DOCK3: variants seen among roughly 807,000 people sequenced by gnomAD.
DOCK3 encodes dedicator of cytokinesis protein 3.
DOCK3 carries 60 observed loss-of-function variants against 265.6 expected under a neutral mutation model. The observed-to-expected ratio is 0.23, with a 90% CI of 0.18 to 0.28. DOCK3 has a LOEUF of 0.28. DOCK3 is among the 10% of genes least tolerant of loss of function. DOCK3 has a pLI of 1.00. For missense variants in DOCK3, 1,981 were observed against 2,594.3 expected (o/e 0.76, Z 5.14); for synonymous variants, 881 against 938.0 (o/e 0.94, Z 1.11).
chr3:51,306,310 G>C (rs1239273805), intron 27 of DOCK3, among the ~76,000 whole-genome samples: 1 of 152,138 alleles, frequency 6.6e-6, no homozygotes, highest in African/African-American at 2.4e-5. Flanking sequence ...ATTGAGGGTT[G>C]TTTGTTGTTT....
At chr3:51,297,512 G>A (rs1193795846) in intron 27 of DOCK3, among the ~76,000 whole-genome samples, 1 of 151,914 alleles carries the variant, frequency 6.6e-6, no homozygotes, top group Non-Finnish European at 1.5e-5. Flanking sequence ...TTTAAAAATG[G>A]GCAAAAGATT....
At chr3:51,362,455 AG>A (rs1425745657) in intron 48 of DOCK3, 71 bp from the exon 49 acceptor site, 1 of 1,599,552 alleles carries the variant, frequency 6.3e-7, no homozygotes, top group African/African-American at 1.3e-5. Context: ...GGCATGAAAA[AG>A]CAAACTCTGT....
rs375007140 is a variant in DOCK3 at position 50,866,309 on chromosome 3, A to T, written c.163-23717A>T. Reference sequence around the variant, plus strand: ...AGACCATCCTGGCCAACATGGTGAAATCCCGTCTCTACTAAAAATACGAAA... The same window carrying T: ...AGACCATCCTGGCCAACATGGTGAATTCCCGTCTCTACTAAAAATACGAAA... On this transcript the variant is annotated intron_variant, in intron 3 of 52. Transcript: ENST00000266037. 1.7e-3 allele frequency among the ~76,000 whole-genome samples: 265 copies of T among 152,062 alleles called. 2 individuals carry two copies. The highest frequency in any genetic ancestry group is 7.6e-3 in the East Asian group (39 of 5,158).
At chr3:50,963,768 G>A (rs1490437968) in intron 5 of DOCK3, among the ~76,000 whole-genome samples, 4 of 152,216 alleles carry the variant, frequency 2.6e-5, no homozygotes, top group African/African-American at 9.6e-5. Context: ...CCTCTGCATT[G>A]CATTGCAGGG....
chr3:50,787,487 A>G, intron 2 of DOCK3: 2 of 479,386 alleles, frequency 4.2e-6, no homozygotes, highest in Non-Finnish European at 7.5e-6. Context: ...GTGAGCCGAG[A>G]TCGCGCCATT....
chr3:51,308,698 A>G (rs569016406), intron 27 of DOCK3, among the ~76,000 whole-genome samples: 3,546 of 152,206 alleles, frequency 0.023, 146 homozygotes, highest in African/African-American at 0.081. Context: ...CAAAACCGCC[A>G]TTGTCATCAT....
At chr3:50,934,955 T>G (rs1014584225) in intron 5 of DOCK3, among the ~76,000 whole-genome samples, 7 of 152,268 alleles carry the variant, frequency 4.6e-5, no homozygotes, top group African/African-American at 1.7e-4. Context: ...ATTCACCTAC[T>G]GGAAAACTCT....
At chr3:51,041,175 TATATATATATATATATATATA>T (rs2080475240) in intron 5 of DOCK3, among the ~76,000 whole-genome samples, 1 of 11,124 alleles carries the variant, frequency 9.0e-5, no homozygotes, top group African/African-American at 2.8e-4. Flanking sequence ...TATATATATA[TATATATATATATATATATATA>T]TATATATATT....
intron 10 of DOCK3, among the ~76,000 whole-genome samples, chr3:51,149,969 TG>T (rs2085498587): frequency 1.3e-5 from 2 of 152,156 alleles, no homozygotes; most frequent in African/African-American, 4.8e-5. Context: ...CCGTCAGTCC[TG>T]GACTTTTTTT....
intron 27 of DOCK3, among the ~76,000 whole-genome samples, chr3:51,285,857 C>T (rs2081376114): frequency 6.6e-6 from 1 of 152,058 alleles, no homozygotes; most frequent in Non-Finnish European, 1.5e-5. Flanking sequence ...ATCGCTTGAA[C>T]CCAGGAGGCA....
chr3:50,881,761 A>G (rs1028050298), intron 3 of DOCK3, among the ~76,000 whole-genome samples: 2 of 152,184 alleles, frequency 1.3e-5, no homozygotes, highest in African/African-American at 2.4e-5. Context: ...ATTGGAAAAA[A>G]CTACTTTAAA....
intron 27 of DOCK3, among the ~76,000 whole-genome samples, chr3:51,308,747 C>A (rs1215055615): frequency 1.3e-5 from 2 of 152,210 alleles, no homozygotes; most frequent in South Asian, 2.1e-4. Context: ...ACCTCCCAGA[C>A]GGGGTGGTGG....
At chr3:50,719,522 G>C in intron 1 of DOCK3, 8 of 1,046,934 alleles carry the variant, frequency 7.6e-6, no homozygotes, top group South Asian at 1.4e-5. Context: ...CTTCTCACTG[G>C]TCTTGCCGTT....
At chr3:50,710,753 G>A (rs910553236) in intron 1 of DOCK3, among the ~76,000 whole-genome samples, 2 of 152,190 alleles carry the variant, frequency 1.3e-5, no homozygotes, top group African/African-American at 4.8e-5. Flanking sequence ...TAAGGAACCA[G>A]CCTAAATGCC....
intron 6 of DOCK3, among the ~76,000 whole-genome samples, chr3:51,070,568 TTACTAATTATA>T (rs1161172399): frequency 2.0e-5 from 3 of 152,222 alleles, no homozygotes; most frequent in Non-Finnish European, 4.4e-5. Flanking sequence ...AAGGTAGTAA[TTACTAATTATA>T]TATTTTTATA....
chr3:50,835,972 A>G (rs887245455), intron 2 of DOCK3, among the ~76,000 whole-genome samples: 4 of 152,170 alleles, frequency 2.6e-5, no homozygotes, highest in African/African-American at 7.2e-5. Context: ...GTATCCCCCC[A>G]TAACTGCCAA....
chr3:50,760,083 C>T (rs920745968), intron 1 of DOCK3, among the ~76,000 whole-genome samples: 2 of 151,358 alleles, frequency 1.3e-5, no homozygotes, highest in Non-Finnish European at 2.9e-5. Flanking sequence ...AACCCAGTGT[C>T]ATGAAGCTTT....
At chr3:51,152,317 T>C (rs1369286327) in intron 10 of DOCK3, among the ~76,000 whole-genome samples, 2 of 152,220 alleles carry the variant, frequency 1.3e-5, no homozygotes, top group African/African-American at 4.8e-5. Context: ...GTCATGTAGC[T>C]CTCGAGCCAT....
At position 51,236,385 on chromosome 3, in the gene DOCK3, A is replaced by T; in HGVS notation, c.1958A>T (p.Asp653Val). 1 of 1,613,292 alleles carries T rather than the reference A, an allele frequency of 6.2e-7. No individual in the cohort carries two copies. Among genetic ancestry groups the T allele is most frequent in the Non-Finnish European group, 8.5e-7 (1 of 1,179,636 alleles). ...DILDTLFVIL[D>V]DNTEKYGLLV... ...TTAGATACACTCTTTGTGATTTTGG[A>T]TGATAATACAGAGAAGTACGGCCTG... The change falls in exon 20 of 53, where the codon GAT becomes GTT. Residue 653 changes from aspartate to valine, a missense_variant. Transcript: ENST00000266037.
Sources: gnomAD v4.1 joint callset for allele counts (sites outside exome capture counted in the v4.1 genomes callset) on GRCh38, gnomAD v4.1.1 for gene constraint, MANE v1.5 for transcripts, NCBI Gene and HGNC (gene_info 2026-07-23, HGNC 2026-07-21) for gene names.